The following MCM4 variants were observed in gnomAD, a reference collection of about 807,000 sequenced individuals.
The protein encoded by MCM4 is DNA replication licensing factor MCM4.
In MCM4, 60 loss-of-function variants were observed where a neutral mutation model predicts 88.7. The ratio of observed to expected loss-of-function variants is 0.68; its 90% CI spans 0.55 to 0.84. The LOEUF (loss-of-function observed/expected upper bound fraction) is 0.84. Among genes scored for constraint, MCM4 ranks in the 40% least tolerant of loss-of-function variants. The probability of loss-of-function intolerance (pLI) is 0.00; values close to 1 mark genes in which losing one functional copy is unlikely to be tolerated. For missense variants in MCM4, 1,149 were observed against 1,105.5 expected, an observed-to-expected ratio of 1.04 and a Z score of -0.56; for synonymous variants, 465 against 410.5, an observed-to-expected ratio of 1.13 and a Z score of -1.61.
intron 15 of MCM4, 108 bp from the exon 16 acceptor site, chr8:47,975,607 T>G: frequency 1.3e-6 from 1 of 743,904 alleles, no homozygotes; most frequent in Non-Finnish European, 2.0e-6. Flanking sequence ...ACTCAGCCCC[T>G]GTCGCCTTAT....
intron 2 of MCM4, 29 bp downstream of exon 2, chr8:47,961,243 G>C: frequency 6.8e-7 from 1 of 1,467,400 alleles, no homozygotes; most frequent in Non-Finnish European, 8.9e-7. Context: ...GCCCACTACA[G>C]CCCCCGGCGC....
Position 47,970,824 on chromosome 8 carries a change from C to A in MCM4, c.1748C>A (p.Thr583Lys), listed in dbSNP as rs763285198. 1 of 1,612,882 alleles carries A rather than the reference C, an allele frequency of 6.2e-7. No individual in the cohort carries two copies. Among genetic ancestry groups the A allele is most frequent in the Non-Finnish European group, 8.5e-7 (1 of 1,179,072 alleles). Residue 583 changes from threonine (T) to lysine (K), a missense_variant, in exon 12 of 17, where the codon ACA becomes AAA. Thr to Lys is a moderately conservative substitution (Grantham distance 78, BLOSUM62 -1). Coordinates refer to ENST00000649973, the MANE Select transcript of MCM4 (RefSeq NM_182746.3). ...IDEFDKMNES[T>K]RSVLHEVMEQ... The stretch of plus-strand genomic sequence containing the variant: ...GAGTTCGACAAGATGAATGAAAGTA[C>A]AAGATCGGTATTGCATGAAGTCATG...
chr8:47,974,528 A>C, intron 14 of MCM4: 1 of 543,660 alleles, frequency 1.8e-6, no homozygotes, highest in South Asian at 2.3e-5. Flanking sequence ...ATGTTCACCC[A>C]CCACTGCACG....
rs748923159 is a variant in MCM4 at position 47,972,948 on chromosome 8, G to A, written c.2020G>A (p.Glu674Lys). The change falls in exon 14 of 17, where the codon GAG becomes AAG. Residue 674 changes from glutamate to lysine, a missense_variant. Physicochemically the swap from Glu to Lys is moderately conservative, Grantham distance 56. Transcript: ENST00000649973. ...HHLVALYYQS[E>K]EQAEEELLDM... ...CCTGGTCGCACTGTACTACCAGAGC[G>A]AGGAGCAGGCAGAGGAGGAGCTCCT... is the stretch of plus-strand genomic sequence containing the variant. The A allele has an allele frequency of 6.2e-6, 10 of 1,614,066 alleles. No homozygotes were observed. The highest frequency in any genetic ancestry group is 2.7e-5 in the African/African-American group (2 of 74,926).
chr8:47,974,435 C>T (rs577256289), intron 14 of MCM4: 18 of 332,070 alleles, frequency 5.4e-5, no homozygotes, highest in Admixed American at 4.6e-4. Context: ...CCCTCTGCCA[C>T]GCCATGCCCG....
Position 47,969,856 on chromosome 8 carries a change from C to T in MCM4, c.1233C>T (p.Val411=). 1 of 1,614,196 alleles carries T rather than the reference C, an allele frequency of 6.2e-7. No individual in the cohort carries two copies. Among genetic ancestry groups the T allele is most frequent in the East Asian group, 2.2e-5 (1 of 44,894 alleles). Residue 411 remains valine, a synonymous_variant, in exon 11 of 17, where the codon GTC becomes GTT. Coordinates refer to ENST00000649973, the MANE Select transcript of MCM4 (RefSeq NM_182746.3). ...CAAGAGTGAGTAATGTGAAGTCTGT[C>T]TACAAAACCCACATTGATGTCATTC... ...VNPRVSNVKS[V]YKTHIDVIHY...
chr8:47,972,647 T>C (rs1317605486), intron 13 of MCM4, among the ~76,000 whole-genome samples: 1 of 152,008 alleles, frequency 6.6e-6, no homozygotes, highest in Non-Finnish European at 1.5e-5. Flanking sequence ...ACCTTCGCCT[T>C]CCAGGTTCAA....
intron 11 of MCM4, 134 bp downstream of exon 11, chr8:47,970,191 C>T (rs2090939697): frequency 9.9e-7 from 1 of 1,011,122 alleles, no homozygotes; most frequent in Non-Finnish European, 1.5e-6. Flanking sequence ...GTGCTGGCAA[C>T]CTGACTTGCC....
intron 13 of MCM4, among the ~76,000 whole-genome samples, chr8:47,972,451 G>A (rs2090962643): frequency 6.6e-6 from 1 of 152,108 alleles, no homozygotes. Flanking sequence ...CTCACAGGGT[G>A]CACATTGACT....
intron 3 of MCM4, 61 bp downstream of exon 3, chr8:47,961,741 C>G (rs1001946048): frequency 1.3e-6 from 2 of 1,532,454 alleles, no homozygotes; most frequent in Admixed American, 1.9e-5. Flanking sequence ...TTTATCTGCT[C>G]AGGTTTACTG....
Position 47,964,552 on chromosome 8 carries a change from A to G in MCM4, c.694-22A>G, listed in dbSNP as rs538498610. The G allele has an allele frequency of 9.7e-6, 15 of 1,553,816 alleles. No homozygotes were observed. The East Asian group carries it at 1.4e-4, about 14-fold the overall frequency. On this transcript the variant is annotated intron_variant, in intron 7 of 16. Transcript: ENST00000649973. ...AACACTGAGATATGAATACAAATAC[A>G]TCTTCATATTTGTTTTTACAGGAAG...
Position 47,961,629 on chromosome 8 carries a change from C to T in MCM4, c.184C>T (p.Pro62Ser), listed in dbSNP as rs1034067956. The change falls in exon 3 of 17, where the codon CCT becomes TCT. Residue 62 changes from proline to serine, a missense_variant. Pro to Ser is a moderately conservative substitution (Grantham distance 74). This residue lies in a region of MCM4 where 906 missense variants were observed against 843.0 expected (regional missense o/e 1.07). Transcript: ENST00000649973. ...PTSPGVDLQS[P>S]AAQDVLFSSP... ...CTCGCCTGGAGTGGACCTGCAGAGCCCTGCTGCGCAGGACGTGCTGTTTTC... is the reference window on the plus strand; with the variant it reads ...CTCGCCTGGAGTGGACCTGCAGAGCTCTGCTGCGCAGGACGTGCTGTTTTC... 17 of 1,614,086 alleles carry T rather than the reference C, an allele frequency of 1.1e-5. No homozygotes were observed. The highest frequency in any genetic ancestry group is 1.3e-5 in the Non-Finnish European group (15 of 1,179,938).
Position 47,970,039 on chromosome 8 carries a change from A to T in MCM4, c.1416A>T (p.Glu472Asp). ...CAGCCTTGGCTCCAAGCATTTATGA[A>T]CATGAAGATATAAAGAAGGTAACAG... is the stretch of plus-strand genomic sequence containing the variant. ...LASALAPSIY[E>D]HEDIKKGILL... The change falls in exon 11 of 17, where the codon GAA becomes GAT. Residue 472 changes from glutamate (E) to aspartate (D), a missense_variant. Coordinates refer to ENST00000649973, the MANE Select transcript of MCM4 (RefSeq NM_182746.3). The T allele has an allele frequency of 6.2e-7, 1 of 1,613,914 alleles. No individual in the cohort carries two copies. The highest frequency in any genetic ancestry group is 8.5e-7 in the Non-Finnish European group (1 of 1,179,964).
chr8:47,975,529 T>C, intron 15 of MCM4, 186 bp from the exon 16 acceptor site: 1 of 446,178 alleles, frequency 2.2e-6, no homozygotes, highest in Non-Finnish European at 3.9e-6. Flanking sequence ...TGTAGACTGT[T>C]AAGGAAAGCA....
Position 47,961,679 on chromosome 8 carries a change from A to G in MCM4, c.234A>G (p.Ser78=). Reference sequence around the variant, plus strand: ...CCAGCCCTCCCCAAATGCATTCTTCAGGTGCGTGTCTGAAGATCTTGGTTT... The same window carrying G: ...CCAGCCCTCCCCAAATGCATTCTTCGGGTGCGTGTCTGAAGATCTTGGTTT... ...LFSSPPQMHS[S]AIPLDFDVSS... The change falls in exon 3 of 17, where the codon TCA becomes TCG. Residue 78 remains serine (S), a splice_region_variant and synonymous_variant. Transcript: ENST00000649973. The G allele has an allele frequency of 6.2e-7, 1 of 1,603,938 alleles. No individual in the cohort carries two copies. The highest frequency in any genetic ancestry group is 8.5e-7 in the Non-Finnish European group (1 of 1,173,614).
chr8:47,977,439 T>C lies in MCM4; in HGVS notation c.*661T>C, dbSNP rs1448267657. ...GGCCATCATCAGTATGCTTATGGAT[T>C]TGATGACAGGCATAGCCTGGGCATA... On this transcript the variant is annotated 3_prime_UTR_variant, in exon 17 of 17. Transcript: ENST00000649973. 6.6e-6 allele frequency: 1 copy of C among 152,280 alleles called. No individual in the cohort carries two copies. Among genetic ancestry groups the C allele is most frequent in the Non-Finnish European group, 1.5e-5 (1 of 68,110 alleles). 9.4% of individuals were successfully genotyped at this position (152,280 alleles called of 1,614,324 possible). A position where few individuals can be genotyped will look rare whatever the true frequency, so the allele number is the denominator to read the frequency against.
intron 13 of MCM4, among the ~76,000 whole-genome samples, 153 bp from the exon 14 acceptor site, chr8:47,972,704 G>T (rs983340611): frequency 6.6e-6 from 1 of 151,902 alleles, no homozygotes; most frequent in African/African-American, 2.4e-5. Context: ...TTACAGGCAG[G>T]CACCACCACT....
intron 14 of MCM4, 58 bp downstream of exon 14, chr8:47,973,122 A>G (rs2090970868): frequency 7.4e-7 from 1 of 1,346,324 alleles, no homozygotes; most frequent in Non-Finnish European, 1.0e-6. Flanking sequence ...AATGTAACTG[A>G]CCAATCATCT....
Position 47,962,936 on chromosome 8 carries a change from A to G in MCM4, c.598-9A>G. ...AGCAAAATATAACTTGTTCATTTTTATTTTCTAGATTAATGTTATTGGTGA... is the reference window on the plus strand; with the variant it reads ...AGCAAAATATAACTTGTTCATTTTTGTTTTCTAGATTAATGTTATTGGTGA... On this transcript the variant is annotated splice_polypyrimidine_tract_variant and intron_variant, in intron 6 of 16. Transcript: ENST00000649973. 6.3e-7 allele frequency: 1 copy of G among 1,581,380 alleles called. No homozygotes were observed. Among genetic ancestry groups the G allele is most frequent in the Non-Finnish European group, 8.6e-7 (1 of 1,163,946 alleles).
Sources: allele counts gnomAD v4.1 joint callset (sites outside exome capture counted in the v4.1 genomes callset), GRCh38; gene constraint gnomAD v4.1.1; regional missense constraint gnomAD v4.1.1; transcripts MANE v1.5; gene names NCBI Gene and HGNC (gene_info 2026-07-23, HGNC 2026-07-21).